TERB2: variants seen among roughly 807,000 people sequenced by gnomAD.
TERB2 encodes the protein telomere repeats-binding bouquet formation protein 2.
In TERB2, 26 loss-of-function variants were observed where a neutral mutation model predicts 29.8. The observed-to-expected ratio is 0.87, with a 90% CI of 0.64 to 1.21. TERB2 has a LOEUF of 1.21. Ranked by LOEUF, TERB2 falls within the 50% of genes most tolerant of loss-of-function variation. The pLI is 0.00. For missense variants in TERB2, 240 were observed against 268.6 expected (o/e 0.89, Z 0.74); for synonymous variants, 80 against 90.8 (o/e 0.88, Z 0.68).
rs1388918526 is a variant in TERB2 at position 44,979,033 on chromosome 15, A to AT, written c.*411dup. On this transcript the variant is annotated 3_prime_UTR_variant, in exon 7 of 7. Coordinates refer to ENST00000340827, the MANE Select transcript of TERB2 (RefSeq NM_152448.3). ...TTGGCTTTAACATTCTATTAATTAT[A>AT]TTTTTTCTAGATTGAATACTGTGAA... 6.6e-6 allele frequency: 1 copy of AT among 151,700 alleles called. No homozygotes were observed. Among genetic ancestry groups the AT allele is most frequent in the African/African-American group, 2.4e-5 (1 of 41,124 alleles). The allele number at this position is 151,700 out of a possible 1,614,324, so 9.4% of individuals were successfully genotyped here.
In TERB2 at chr15:44,961,541, G is replaced by A; in HGVS notation, c.305G>A (p.Gly102Asp). Residue 102 changes from glycine (G) to aspartate (D), a missense_variant, in exon 4 of 7, where the codon GGT becomes GAT. Gly to Asp is a moderately conservative substitution (Grantham distance 94). Coordinates refer to ENST00000340827, the MANE Select transcript of TERB2 (RefSeq NM_152448.3). ...CLQKEIRRKI[G>D]SFIWEQDQHF... ...ACCACAGAAATAAGAAGAAAAATTG[G>A]TAGTTTTATTTGGGAACAAGACCAA... 1.3e-6 allele frequency: 2 copies of A among 1,596,862 alleles called. No individual in the cohort carries two copies. Among genetic ancestry groups the A allele is most frequent in the Non-Finnish European group, 1.7e-6 (2 of 1,172,180 alleles).
chr15:44,961,627 A>G (rs773113200), intron 4 of TERB2, 43 bp downstream of exon 4: 5 of 1,364,188 alleles, frequency 3.7e-6, no homozygotes, highest in Non-Finnish European at 5.1e-6. Flanking sequence ...TACAGCTTCA[A>G]CATTTTCTGA....
chr15:44,972,700 G>A (rs780528746), intron 5 of TERB2, among the ~76,000 whole-genome samples: 42 of 151,866 alleles, frequency 2.8e-4, no homozygotes, highest in Admixed American at 6.6e-4. Flanking sequence ...ATTTTTAGTA[G>A]AGACAGGGTT....
intron 5 of TERB2, among the ~76,000 whole-genome samples, chr15:44,967,204 T>A (rs986182808): frequency 1.3e-5 from 2 of 152,250 alleles, no homozygotes; most frequent in African/African-American, 4.8e-5. Flanking sequence ...ATACATGATC[T>A]AGTCCTAGCT....
chr15:44,978,614 T>C lies in TERB2; in HGVS notation c.649T>C (p.Leu217=). ...TAATATGTCTGCTATAAAAAACAAA[T>C]TGAAGAGGAAATAGTAAATTAAATT... is the stretch of plus-strand genomic sequence containing the variant. ...EINMSAIKNK[L]KRK The change falls in exon 7 of 7, where the codon TTG becomes CTG. Residue 217 remains leucine, a synonymous_variant. Transcript: ENST00000340827. 2 of 1,596,370 alleles carry C rather than the reference T, an allele frequency of 1.3e-6. No homozygotes were observed. Among genetic ancestry groups the C allele is most frequent in the South Asian group, 2.3e-5 (2 of 87,252 alleles).
At chr15:44,965,815 T>C (rs1164644354) in intron 4 of TERB2, among the ~76,000 whole-genome samples, 1 of 151,700 alleles carries the variant, frequency 6.6e-6, no homozygotes, top group East Asian at 1.9e-4. Flanking sequence ...TCCTTATTTT[T>C]GTGACTAAAA....
intron 4 of TERB2, among the ~76,000 whole-genome samples, chr15:44,963,652 C>A (rs1335246890): frequency 6.6e-6 from 1 of 151,602 alleles, no homozygotes; most frequent in African/African-American, 2.4e-5. Context: ...TTAGAAAACA[C>A]ATGCCAGGTA....
chr15:44,973,978 G>C (rs781403498), intron 6 of TERB2, 23 bp downstream of exon 6: 1 of 1,494,102 alleles, frequency 6.7e-7, no homozygotes, highest in Non-Finnish European at 9.0e-7. Flanking sequence ...AAAATTTAGA[G>C]TAAACTCAGG....
chr15:44,957,985 T>TA (rs1385425007), intron 2 of TERB2, among the ~76,000 whole-genome samples: 2 of 152,180 alleles, frequency 1.3e-5, no homozygotes, highest in African/African-American at 4.8e-5. Flanking sequence ...AGATGTTGCT[T>TA]TCTATATGTG....
chr15:44,963,496 T>C (rs986157655), intron 4 of TERB2, among the ~76,000 whole-genome samples: 1 of 152,040 alleles, frequency 6.6e-6, no homozygotes, highest in African/African-American at 2.4e-5. Context: ...GCATAGTAGA[T>C]TAAGAGACAT....
At position 44,956,741 on chromosome 15, in the gene TERB2, G is replaced by A. The variant is rs1423872536; in HGVS notation, c.23G>A (p.Trp8Ter). 3.7e-6 allele frequency: 6 copies of A among 1,612,344 alleles called. No individual in the cohort carries two copies. Among genetic ancestry groups the A allele is most frequent in the East Asian group, 4.5e-5 (2 of 44,888 alleles). MFQGQRG[W>*]FCGSVSQDLR... ...GCCATGTTTCAAGGGCAGCGCGGTT[G>A]GTTTTGCGGCAGCGTTAGCCAGGAT... Residue 8 changes from tryptophan to a stop codon, truncating the protein, a stop_gained, in exon 1 of 7, where the codon TGG becomes TAG. Transcript: ENST00000340827. LOFTEE classifies it high-confidence loss of function.
intron 4 of TERB2, among the ~76,000 whole-genome samples, chr15:44,965,896 T>C (rs977759736): frequency 2.6e-5 from 4 of 151,920 alleles, no homozygotes; most frequent in Non-Finnish European, 4.4e-5. Flanking sequence ...GTTTTACTTA[T>C]CTGACATAAC....
In TERB2 at chr15:44,978,503, G is replaced by A. The variant is rs752855886; in HGVS notation, c.538G>A (p.Asp180Asn). 4 of 1,602,142 alleles carry A rather than the reference G, an allele frequency of 2.5e-6. No individual in the cohort carries two copies. Among genetic ancestry groups the A allele is most frequent in the African/African-American group, 2.7e-5 (2 of 74,514 alleles). ...TTATTTTGTAGGTTATATATCAATT[G>A]ATGCCATGAAGAAATTCCTTGGGGA... ...NNMVTGYISI[D>N]AMKKFLGELH... The change falls in exon 7 of 7, where the codon GAT becomes AAT. Residue 180 changes from aspartate to asparagine, a missense_variant. Asp to Asn is a conservative substitution (Grantham distance 23, BLOSUM62 1). Transcript: ENST00000340827.
intron 5 of TERB2, among the ~76,000 whole-genome samples, chr15:44,966,489 A>T (rs1891890741): frequency 6.6e-6 from 1 of 152,334 alleles, no homozygotes; most frequent in South Asian, 2.1e-4. Context: ...TTTAAATGGT[A>T]GTCATTAAAT....
rs1566945515 is a variant in TERB2, at chr15:44,965,587, TC to T, written c.349-570del. On this transcript the variant is annotated intron_variant, in intron 4 of 6. Coordinates refer to ENST00000340827, the MANE Select transcript of TERB2 (RefSeq NM_152448.3). ...TCTATATATTATATAAATCTATATA[TC>T]ATATAGATTTATATATTTAATAGAT... Among the ~76,000 whole-genome samples, 326 of 144,646 alleles carry T rather than the reference TC, an allele frequency of 2.3e-3. 1 individual carries two copies. The highest frequency in any genetic ancestry group is 3.7e-3 in the Admixed American group (52 of 14,158). The allele number at this position is 144,646 out of a possible 152,430, so 94.9% of individuals were successfully genotyped here.
In TERB2 at chr15:44,958,429, A is replaced by T. The variant is rs1426111926; in HGVS notation, c.203A>T (p.Tyr68Phe). Residue 68 changes from tyrosine (Y) to phenylalanine (F), a missense_variant, in exon 3 of 7, where the codon TAT becomes TTT. Tyr to Phe is a conservative substitution (Grantham distance 22). Coordinates refer to ENST00000340827, the MANE Select transcript of TERB2 (RefSeq NM_152448.3). ...AATGCTACAGTTTTTCATGCCTACT[A>T]TCTCTCTGCGGTAGCTAATGCCAAA... Reference protein sequence around the residue: ...EDNATVFHAYYLSAVANAKIK... With the variant: ...EDNATVFHAYFLSAVANAKIK... 1 of 1,614,056 alleles carries T rather than the reference A, an allele frequency of 6.2e-7. No homozygotes were observed. The highest frequency in any genetic ancestry group is 2.2e-5 in the East Asian group (1 of 44,872).
chr15:44,969,339 C>A (rs1161412265), intron 5 of TERB2, among the ~76,000 whole-genome samples: 4 of 152,098 alleles, frequency 2.6e-5, no homozygotes, highest in African/African-American at 9.7e-5. Context: ...AACTCCTGGC[C>A]TCAAGCAATC....
rs1440339418 is a variant in TERB2, at chr15:44,973,965, A to T, written c.523+10A>T. 7 of 1,549,828 alleles carry T rather than the reference A, an allele frequency of 4.5e-6. No homozygotes were observed. The highest frequency in any genetic ancestry group is 5.2e-6 in the Non-Finnish European group (6 of 1,144,898). On this transcript the variant is annotated intron_variant, in intron 6 of 6. Coordinates refer to ENST00000340827, the MANE Select transcript of TERB2 (RefSeq NM_152448.3). Reference sequence around the variant, plus strand: ...AACAACATGGTAACAGGTAGTTTAAAATAAAATTTAGAGTAAACTCAGGTA... The same window carrying T: ...AACAACATGGTAACAGGTAGTTTAATATAAAATTTAGAGTAAACTCAGGTA...
At chr15:44,969,907 T>C (rs747060362) in intron 5 of TERB2, 12 of 151,820 alleles carry the variant, frequency 7.9e-5, no homozygotes, top group Non-Finnish European at 1.6e-4. Flanking sequence ...TATGTTCAAA[T>C]GCATATACTA....
Sources: allele counts gnomAD v4.1 joint callset (sites outside exome capture counted in the v4.1 genomes callset), GRCh38; gene constraint gnomAD v4.1.1; transcripts MANE v1.5; gene names NCBI Gene and HGNC (gene_info 2026-07-23, HGNC 2026-07-21).